Variants in EFHC2 observed in about 807,000 individuals in gnomAD.
The protein encoded by EFHC2 is EF-hand domain containing 2, also known as EF-hand domain-containing family member C2.
EFHC2 carries 18 observed loss-of-function variants against 52.7 expected under a neutral mutation model. That is an observed-to-expected ratio of 0.34 (90% CI 0.24 to 0.51). The LOEUF (loss-of-function observed/expected upper bound fraction) is 0.51. EFHC2 is among the 20% of genes least tolerant of loss of function. The probability of loss-of-function intolerance (pLI) is 0.97; values close to 1 mark genes in which losing one functional copy is unlikely to be tolerated. For missense variants in EFHC2, 513 were observed against 562.5 expected, an observed-to-expected ratio of 0.91 and a Z score of 0.89; for synonymous variants, 203 against 204.1, an observed-to-expected ratio of 0.99 and a Z score of 0.04.
At chrX:44,299,057 C>T (rs73628335) in intron 2 of EFHC2, among the ~76,000 whole-genome samples, 19,216 of 109,257 alleles carry the variant, frequency 0.18, 1,491 homozygotes, top group African/African-American at 0.29. Context: ...TAAGATTCCA[C>T]AGGACTGTTA....
chrX:44,261,317 TA>T lies in EFHC2; in HGVS notation c.383-20del, dbSNP rs779211921. On this transcript the variant is annotated intron_variant, in intron 3 of 14. Transcript: ENST00000420999. ...GAAGTCCCTATGGCATGAAAGAAAATACAACTGTTTTATCATGTGGCTAACA... is the reference window on the plus strand; with the variant it reads ...GAAGTCCCTATGGCATGAAAGAAAATCAACTGTTTTATCATGTGGCTAACA... 3 of 1,139,520 alleles carry T rather than the reference TA, an allele frequency of 2.6e-6. No homozygotes were observed. The East Asian group carries it at 9.0e-5, about 34-fold the overall frequency. 93.9% of individuals were successfully genotyped at this position (1,139,520 alleles called of 1,213,427 possible).
intron 13 of EFHC2, among the ~76,000 whole-genome samples, chrX:44,168,786 A>G (rs2036720248): frequency 9.1e-6 from 1 of 110,332 alleles, no homozygotes; most frequent in Admixed American, 9.6e-5. Flanking sequence ...CCTCCCTCCT[A>G]TCTTTGCAGG....
intron 12 of EFHC2, 25 bp from the exon 13 acceptor site, chrX:44,176,409 C>A: frequency 9.8e-7 from 1 of 1,025,295 alleles, no homozygotes; most frequent in Non-Finnish European, 1.3e-6. Context: ...CGTAAATGAG[C>A]TTTTATATAC....
intron 2 of EFHC2, among the ~76,000 whole-genome samples, chrX:44,290,230 A>G (rs2037783154): frequency 9.0e-6 from 1 of 110,711 alleles, no homozygotes; most frequent in Admixed American, 9.6e-5. Context: ...CAGTTTTAAT[A>G]CTTTTCTTTA....
chrX:44,311,866 G>A (rs111402080), intron 2 of EFHC2, among the ~76,000 whole-genome samples: 16,918 of 111,055 alleles, frequency 0.15, 1,059 homozygotes, highest in African/African-American at 0.24. Context: ...GCCACATTCA[G>A]ACTCAAACAC....
intron 11 of EFHC2, among the ~76,000 whole-genome samples, chrX:44,213,512 G>A (rs973847428): frequency 1.8e-5 from 2 of 111,866 alleles, no homozygotes; most frequent in Non-Finnish European, 3.8e-5. Flanking sequence ...TGTTTGGTCT[G>A]AAAAGGCAGG....
At chrX:44,319,612 C>T (rs963473610) in intron 1 of EFHC2, among the ~76,000 whole-genome samples, 1 of 112,618 alleles carries the variant, frequency 8.9e-6, no homozygotes, top group African/African-American at 3.2e-5. Flanking sequence ...GCCTCAGGCT[C>T]CTAACTTTTT....
intron 1 of EFHC2, among the ~76,000 whole-genome samples, chrX:44,315,577 C>G (rs951946572): frequency 9.0e-6 from 1 of 111,143 alleles, no homozygotes; most frequent in African/African-American, 3.3e-5. Context: ...ACTAGTGGAG[C>G]CTGCATCTGA....
chrX:44,239,063 A>G (rs2037341406), intron 8 of EFHC2, among the ~76,000 whole-genome samples: 1 of 111,473 alleles, frequency 9.0e-6, no homozygotes, highest in African/African-American at 3.3e-5. Context: ...AACCTCAAAT[A>G]TATCTAGAGC....
intron 11 of EFHC2, among the ~76,000 whole-genome samples, chrX:44,204,455 T>C (rs978832285): frequency 6.3e-5 from 7 of 111,461 alleles, no homozygotes; most frequent in Non-Finnish European, 1.1e-4. Flanking sequence ...CAAGAGAAAG[T>C]TGAAATCCAG....
At chrX:44,248,724 A>G in intron 6 of EFHC2, 79 bp downstream of exon 6, 13 of 755,715 alleles carry the variant, frequency 1.7e-5, no homozygotes, top group Non-Finnish European at 2.6e-5. Context: ...TCACAAGAGA[A>G]GAGTACGTAA....
At chrX:44,189,122 C>CAA (rs35770665) in intron 11 of EFHC2, among the ~76,000 whole-genome samples, 3,679 of 46,074 alleles carry the variant, frequency 0.08, 190 homozygotes, top group Admixed American at 0.15. Context: ...GACTCTATCT[C>CAA]AAAAAAAAAA....
At chrX:44,274,146 T>C (rs2037637554) in intron 2 of EFHC2, among the ~76,000 whole-genome samples, 1 of 112,435 alleles carries the variant, frequency 8.9e-6, no homozygotes, top group Non-Finnish European at 1.9e-5. Flanking sequence ...ACATATCAGT[T>C]ACAAATACTA....
chrX:44,267,086 G>A (rs918306669), intron 3 of EFHC2, among the ~76,000 whole-genome samples: 2 of 111,787 alleles, frequency 1.8e-5, no homozygotes, highest in African/African-American at 6.5e-5. Flanking sequence ...AACTGGTATA[G>A]ACCATACCAG....
intron 2 of EFHC2, among the ~76,000 whole-genome samples, chrX:44,304,303 G>T (rs1443080743): frequency 9.0e-6 from 1 of 111,724 alleles, no homozygotes; most frequent in African/African-American, 3.3e-5. Context: ...AGGTAAAAGG[G>T]CCTTACAGAT....
intron 1 of EFHC2, among the ~76,000 whole-genome samples, chrX:44,315,608 A>C (rs2037978199): frequency 9.0e-6 from 1 of 110,957 alleles, no homozygotes; most frequent in Admixed American, 9.6e-5. Context: ...ATGTGACCCT[A>C]AGCTCTGGTA....
In EFHC2 at chrX:44,223,137, A is replaced by G. The variant is rs139955593; in HGVS notation, c.1751+6512T>C. Among the ~76,000 whole-genome samples the G allele has an allele frequency of 4.4e-3, 494 of 112,419 alleles. 18 individuals carry two copies. In the East Asian group the frequency reaches 0.11, roughly 24 times the overall value. On this transcript the variant is annotated intron_variant, in intron 11 of 14. Transcript: ENST00000420999. Reference sequence around the variant, plus strand: ...CAATTTCCCAGACTTCCTTGCAGTTAGAAATATGCAGGTGACCCAGGCTCT... The same window carrying G: ...CAATTTCCCAGACTTCCTTGCAGTTGGAAATATGCAGGTGACCCAGGCTCT...
At chrX:44,154,597 G>C (rs1323990247) in intron 14 of EFHC2, among the ~76,000 whole-genome samples, 1 of 109,283 alleles carries the variant, frequency 9.2e-6, no homozygotes, top group African/African-American at 3.3e-5. Flanking sequence ...CCAGCTGCTT[G>C]GGAGGCTGAG....
intron 14 of EFHC2, among the ~76,000 whole-genome samples, chrX:44,152,484 G>GT (rs2036577519): frequency 9.0e-6 from 1 of 111,336 alleles, no homozygotes; most frequent in South Asian, 3.8e-4. Flanking sequence ...AACAAGAAAA[G>GT]TTAAGTAGAA....
Sources: allele counts gnomAD v4.1 joint callset (sites outside exome capture counted in the v4.1 genomes callset), GRCh38; gene constraint gnomAD v4.1.1; transcripts MANE v1.5; gene names NCBI Gene and HGNC (gene_info 2026-07-23, HGNC 2026-07-21).